UBE2E2: variants seen among roughly 807,000 people sequenced by gnomAD.
The protein encoded by UBE2E2 is ubiquitin-conjugating enzyme E2 E2.
Under a neutral mutation model 24.7 loss-of-function variants are expected in UBE2E2, and 6 were observed. The ratio of observed to expected loss-of-function variants is 0.24; its 90% confidence interval spans 0.13 to 0.48. The LOEUF is 0.48. UBE2E2 is among the 20% of genes least tolerant of loss of function. The pLI is 0.99. For missense variants in UBE2E2, 169 were observed against 245.0 expected (o/e 0.69, Z 2.07); for synonymous variants, 104 against 83.6 (o/e 1.24, Z -1.33).
chr3:23,564,249 C>T (rs911225660), intron 5 of UBE2E2, among the ~76,000 whole-genome samples: 1 of 151,938 alleles, frequency 6.6e-6, no homozygotes, highest in African/African-American at 2.4e-5. Context: ...CAGCTCTGGA[C>T]ATATGCATGA....
intron 5 of UBE2E2, among the ~76,000 whole-genome samples, chr3:23,582,489 A>G (rs894430670): frequency 6.6e-6 from 1 of 152,200 alleles, no homozygotes; most frequent in Non-Finnish European, 1.5e-5. Flanking sequence ...TGCTTTCCGC[A>G]GTGGTTTGTG....
At chr3:23,399,127 C>G (rs1697151061) in intron 3 of UBE2E2, among the ~76,000 whole-genome samples, 1 of 152,084 alleles carries the variant, frequency 6.6e-6, no homozygotes, top group South Asian at 2.1e-4. Flanking sequence ...CTTTTTCCTT[C>G]TTTATAATTT....
At chr3:23,219,345 T>C (rs1261180862) in intron 3 of UBE2E2, among the ~76,000 whole-genome samples, 6 of 152,206 alleles carry the variant, frequency 3.9e-5, no homozygotes, top group African/African-American at 1.4e-4. Flanking sequence ...TATGGATGTT[T>C]GGTGTGCTTA....
rs370055873 is a variant in UBE2E2, at chr3:23,344,549, T to G, written c.227+127237T>G. On this transcript the variant is annotated intron_variant, in intron 3 of 5. Transcript: ENST00000396703. ...TCCGAGTTGCGTCCCTAAAGGATCC[T>G]GCTGCAAGAAATGAGTGAATGAATG... 4.6e-5 allele frequency among the ~76,000 whole-genome samples: 7 copies of G among 152,176 alleles called. No individual in the cohort carries two copies. The East Asian group carries it at 7.7e-4, about 17-fold the overall frequency.
chr3:23,421,658 G>A (rs759961534), intron 3 of UBE2E2, among the ~76,000 whole-genome samples: 4 of 152,106 alleles, frequency 2.6e-5, no homozygotes, highest in Non-Finnish European at 5.9e-5. Context: ...CGCCCACCTC[G>A]GCCTCTCAAA....
At chr3:23,327,508 G>A (rs1249615074) in intron 3 of UBE2E2, among the ~76,000 whole-genome samples, 5 of 152,114 alleles carry the variant, frequency 3.3e-5, no homozygotes, top group Admixed American at 2.0e-4. Flanking sequence ...TTACTAACAT[G>A]AAACTCCTTA....
intron 3 of UBE2E2, 26 bp from the exon 4 acceptor site, chr3:23,499,582 C>T (rs1157916277): frequency 6.3e-7 from 1 of 1,595,778 alleles, no homozygotes. Context: ...TTTCTAAGCA[C>T]ATTTCATTTG....
chr3:23,217,192 C>T (rs946259411), intron 2 of UBE2E2, 70 bp from the exon 3 acceptor site: 25 of 1,340,096 alleles, frequency 1.9e-5, no homozygotes, highest in African/African-American at 1.5e-4. Flanking sequence ...TAAAATGTAA[C>T]GTTTTAATGA....
intron 3 of UBE2E2, among the ~76,000 whole-genome samples, chr3:23,343,316 G>A (rs36063633): frequency 1.2e-3 from 176 of 152,038 alleles, no homozygotes; most frequent in Non-Finnish European, 1.9e-3. Context: ...TGGCTCACGC[G>A]TGTAATCCCA....
intron 4 of UBE2E2, among the ~76,000 whole-genome samples, chr3:23,525,542 T>G (rs1694975277): frequency 6.6e-6 from 1 of 152,244 alleles, no homozygotes; most frequent in African/African-American, 2.4e-5. Flanking sequence ...CTTTGAAAAC[T>G]GTTATTCTCA....
intron 5 of UBE2E2, among the ~76,000 whole-genome samples, chr3:23,565,343 AG>A (rs1367716634): frequency 6.6e-6 from 1 of 151,320 alleles, no homozygotes; most frequent in Non-Finnish European, 1.5e-5. Flanking sequence ...GCTGCTGTGC[AG>A]TCTTTTAGAG....
intron 3 of UBE2E2, among the ~76,000 whole-genome samples, chr3:23,406,388 CTT>C (rs1375872544): frequency 6.6e-6 from 1 of 152,194 alleles, no homozygotes; most frequent in Non-Finnish European, 1.5e-5. Context: ...ATGTTTAACT[CTT>C]TGACCAAACC....
At chr3:23,496,322 A>G (rs1378225178) in intron 3 of UBE2E2, among the ~76,000 whole-genome samples, 2 of 152,216 alleles carry the variant, frequency 1.3e-5, no homozygotes, top group Non-Finnish European at 2.9e-5. Context: ...GTAATAAAAC[A>G]GAAAGCACCT....
chr3:23,503,426 G>A (rs946338636), intron 4 of UBE2E2, among the ~76,000 whole-genome samples: 16 of 151,746 alleles, frequency 1.1e-4, no homozygotes, highest in Non-Finnish European at 1.5e-4. Context: ...CCTGACCTCA[G>A]GTGATCCACC....
At chr3:23,566,330 A>C (rs1352398883) in intron 5 of UBE2E2, among the ~76,000 whole-genome samples, 1 of 152,144 alleles carries the variant, frequency 6.6e-6, no homozygotes, top group Non-Finnish European at 1.5e-5. Flanking sequence ...TGGGGATCTC[A>C]TGGGGAGTAA....
intron 3 of UBE2E2, among the ~76,000 whole-genome samples, chr3:23,283,310 G>A (rs1193391281): frequency 6.6e-6 from 1 of 152,056 alleles, no homozygotes. Context: ...TTTATAATGA[G>A]CAAGGAGGGA....
At chr3:23,496,591 T>C (rs1498812) in intron 3 of UBE2E2, among the ~76,000 whole-genome samples, 31,198 of 152,190 alleles carry the variant, frequency 0.2, 3,191 homozygotes, top group East Asian at 0.24. Flanking sequence ...ATTTTTAAGA[T>C]TCATTCATGT....
rs1165714803 is a variant in UBE2E2, at chr3:23,319,005, AAGG to A, written c.227+101696_227+101698del. Among the ~76,000 whole-genome samples the A allele has an allele frequency of 2.0e-5, 3 of 152,292 alleles. No individual in the cohort carries two copies. In the East Asian group the frequency reaches 5.8e-4, roughly 29 times the overall value. On this transcript the variant is annotated intron_variant, in intron 3 of 5. Transcript: ENST00000396703. Reference sequence around the variant, plus strand: ...TTTGTCAAAAAATGTTTTCATGAGGAAGGAGAATGTTGTGTGTTTAAGAAGCCA... The same window carrying A: ...TTTGTCAAAAAATGTTTTCATGAGGAAGAATGTTGTGTGTTTAAGAAGCCA...
At chr3:23,489,646 G>A (rs1017204588) in intron 3 of UBE2E2, among the ~76,000 whole-genome samples, 7 of 152,176 alleles carry the variant, frequency 4.6e-5, no homozygotes, top group Non-Finnish European at 7.3e-5. Context: ...GGGATAATGC[G>A]AGTAATGCGA....
Sources: gnomAD v4.1 joint callset for allele counts (sites outside exome capture counted in the v4.1 genomes callset) on GRCh38, gnomAD v4.1.1 for gene constraint, MANE v1.5 for transcripts, NCBI Gene and HGNC (gene_info 2026-07-23, HGNC 2026-07-21) for gene names.